Variants in FBXO7 observed in about 807,000 individuals in gnomAD.
FBXO7 encodes the protein F-box protein 7.
Under a neutral mutation model 50.2 loss-of-function variants are expected in FBXO7, and 31 were observed. That is an observed-to-expected ratio of 0.62 (90% confidence interval 0.46 to 0.83). The LOEUF (loss-of-function observed/expected upper bound fraction) is 0.83, where lower values mean the gene tolerates loss of function less well. FBXO7 is among the 40% of genes least tolerant of loss of function. The probability of loss-of-function intolerance (pLI) is 0.00; values close to 1 mark genes in which losing one functional copy is unlikely to be tolerated. For missense variants in FBXO7, 667 were observed against 646.6 expected, an observed-to-expected ratio of 1.03 and a Z score of -0.34; for synonymous variants, 256 against 253.1, an observed-to-expected ratio of 1.01 and a Z score of -0.11.
chr22:32,497,498 C>T (rs1415774996), intron 8 of FBXO7, among the ~76,000 whole-genome samples: 3 of 152,150 alleles, frequency 2.0e-5, no homozygotes, highest in Non-Finnish European at 4.4e-5. Context: ...AGTAGTATTC[C>T]ATGGTGTATA....
rs2057448473 is a variant in FBXO7 at position 32,479,241 on chromosome 22, C to G, written c.383C>G (p.Ala128Gly). 1 of 1,614,122 alleles carries G rather than the reference C, an allele frequency of 6.2e-7. No individual in the cohort carries two copies. Among genetic ancestry groups the G allele is most frequent in the Non-Finnish European group, 8.5e-7 (1 of 1,180,026 alleles). The change falls in exon 2 of 9, where the codon GCA (alanine) becomes GGA (glycine). Residue 128 changes from alanine to glycine, a missense_variant. Transcript: ENST00000266087. The stretch of plus-strand genomic sequence containing the variant: ...CCAAGTGATTCATTCCAAGGACAGG[C>G]AGCCCAGTCTGGTGTTTGGAATGAC... ...EQPSDSFQGQ[A>G]AQSGVWNDDS...
At position 32,493,108 on chromosome 22, in the gene FBXO7, T is replaced by G. The variant is rs767654983; in HGVS notation, c.971T>G (p.Leu324Arg). 14 of 1,614,018 alleles carry G rather than the reference T, an allele frequency of 8.7e-6. No homozygotes were observed. The highest frequency in any genetic ancestry group is 1.3e-5 in the African/African-American group (1 of 74,936). The change falls in exon 7 of 9, where the codon CTG becomes CGG. Residue 324 changes from leucine to arginine, a missense_variant. Transcript: ENST00000266087. ...ACTTCTCTTTTTTTCCTTTTAGCAC[T>G]GAACCTACCAGATGTATTTGGGTTG... Reference protein sequence around the residue: ...YPLLAFTRQALNLPDVFGLVV... With the variant: ...YPLLAFTRQARNLPDVFGLVV...
At chr22:32,487,958 T>C in intron 5 of FBXO7, 130 bp downstream of exon 5, 2 of 678,038 alleles carry the variant, frequency 2.9e-6, no homozygotes, top group Non-Finnish European at 5.3e-6. Context: ...GACAATGTGG[T>C]TTGTTTAAGA....
chr22:32,484,943 G>A, intron 3 of FBXO7, 125 bp from the exon 4 acceptor site: 1 of 1,024,098 alleles, frequency 9.8e-7, no homozygotes, highest in Admixed American at 1.8e-5. Context: ...ATGATTTGAT[G>A]CATTTTATTA....
intron 5 of FBXO7, chr22:32,490,265 G>A (rs2145999230): frequency 6.6e-6 from 1 of 152,360 alleles, no homozygotes; most frequent in African/African-American, 2.4e-5. Flanking sequence ...GCAAAAAGGT[G>A]AGGATCAGAG....
chr22:32,475,623 C>CCT (rs2057423080), intron 1 of FBXO7: 4 of 554,884 alleles, frequency 7.2e-6, no homozygotes, highest in Middle Eastern at 8.8e-4. Context: ...TCCGAGGCCA[C>CCT]CGGTAGCTTG....
chr22:32,491,078 T>C lies in FBXO7; in HGVS notation c.872-8T>C. On this transcript the variant is annotated splice_polypyrimidine_tract_variant and splice_region_variant and intron_variant, in intron 5 of 8. Coordinates refer to ENST00000266087, the MANE Select transcript of FBXO7 (RefSeq NM_012179.4). ...TGGGTTTTGATTTTACTTTAAAAAATATTCTAGGGGAAAATGTAGCCAACA... is the reference window on the plus strand; with the variant it reads ...TGGGTTTTGATTTTACTTTAAAAAACATTCTAGGGGAAAATGTAGCCAACA... The C allele has an allele frequency of 6.2e-7, 1 of 1,606,438 alleles. No homozygotes were observed. The highest frequency in any genetic ancestry group is 8.5e-7 in the Non-Finnish European group (1 of 1,173,428).
In FBXO7 at chr22:32,485,160, C is replaced by G. The variant is rs1252579964; in HGVS notation, c.738C>G (p.Ser246Arg). Reference sequence around the variant, plus strand: ...ACATGCATCCTCTCTGCGAGGGCAGCTCCGCTACTCTCACCTGTGTGCCTT... The same window carrying G: ...ACATGCATCCTCTCTGCGAGGGCAGGTCCGCTACTCTCACCTGTGTGCCTT... ...LQYMHPLCEGSSATLTCVPLG... is the reference protein window; with the variant it reads ...LQYMHPLCEGRSATLTCVPLG... Residue 246 changes from serine (S) to arginine (R), a missense_variant, in exon 4 of 9, where the codon AGC (serine) becomes AGG (arginine). Transcript: ENST00000266087. 6.2e-7 allele frequency: 1 copy of G among 1,614,190 alleles called. No individual in the cohort carries two copies.
chr22:32,485,370 T>C (rs1248380369), intron 4 of FBXO7, among the ~76,000 whole-genome samples, 161 bp downstream of exon 4: 1 of 152,242 alleles, frequency 6.6e-6, no homozygotes, highest in Non-Finnish European at 1.5e-5. Context: ...GTCTGGAAGA[T>C]CATGGAATAT....
At chr22:32,494,646 G>A (rs747205022) in intron 7 of FBXO7, among the ~76,000 whole-genome samples, 6 of 151,974 alleles carry the variant, frequency 3.9e-5, no homozygotes, top group African/African-American at 7.2e-5. Context: ...TGGAAGCACC[G>A]AGAAAAAGCA....
rs190901801 is a variant in FBXO7, at chr22:32,484,829, A to G, written c.646-239A>G. Among the ~76,000 whole-genome samples, 73 of 152,322 alleles carry G rather than the reference A, an allele frequency of 4.8e-4. 1 individual carries two copies. Among genetic ancestry groups the G allele is most frequent in the African/African-American group, 1.7e-3 (70 of 41,570 alleles). ...AGAGAGATCAATCCCTGTTTCCATG[A>G]TGCAGTTTTACCTATTTGAACAAAA... On this transcript the variant is annotated intron_variant, in intron 3 of 8. Transcript: ENST00000266087.
chr22:32,490,972 CTTTGTGAATTA>C (rs1277946615), intron 5 of FBXO7, 103 bp from the exon 6 acceptor site: 22 of 765,696 alleles, frequency 2.9e-5, no homozygotes, highest in Non-Finnish European at 2.3e-6. Context: ...TCATGCTTAT[CTTTGTGAATTA>C]TTTGTGAATA....
At chr22:32,490,455 A>C (rs1601513610) in intron 5 of FBXO7, 1 of 152,454 alleles carries the variant, frequency 6.6e-6, no homozygotes, top group Admixed American at 6.5e-5. Context: ...AAACAGTTCC[A>C]GGTATTGTCA....
intron 8 of FBXO7, among the ~76,000 whole-genome samples, chr22:32,496,232 G>A (rs971017725): frequency 2.0e-5 from 3 of 152,162 alleles, no homozygotes; most frequent in Non-Finnish European, 4.4e-5. Context: ...TGTAATCCCA[G>A]CACTTTGGGA....
At chr22:32,485,394 T>C (rs570516919) in intron 4 of FBXO7, among the ~76,000 whole-genome samples, 185 bp downstream of exon 4, 33 of 152,336 alleles carry the variant, frequency 2.2e-4, no homozygotes, top group Non-Finnish European at 3.4e-4. Flanking sequence ...GTTGTTGAGT[T>C]GTTTAGGCCA....
Position 32,495,495 on chromosome 22 carries a change from A to C in FBXO7, c.1147A>C (p.Asn383His). ...TATTTTTCCCTTTTCCTTTGTAGAC[A>C]ATACTGTCAGAGTTCAAGACACAGA... ...RFLYLRDFRD[N>H]TVRVQDTDWK... The change falls in exon 8 of 9, where the codon AAT (asparagine) becomes CAT (histidine). Residue 383 changes from asparagine (N) to histidine (H), a missense_variant and splice_region_variant. Transcript: ENST00000266087. 6.3e-7 allele frequency: 1 copy of C among 1,575,416 alleles called. No individual in the cohort carries two copies. Among genetic ancestry groups the C allele is most frequent in the South Asian group, 1.1e-5 (1 of 89,416 alleles).
chr22:32,486,321 C>T (rs558449376), intron 4 of FBXO7, among the ~76,000 whole-genome samples: 1 of 152,032 alleles, frequency 6.6e-6, no homozygotes, highest in Admixed American at 6.5e-5. Context: ...TTCTCATTCC[C>T]CTCTTACAAA....
Position 32,491,196 on chromosome 22 carries a change from A to C in FBXO7, c.967+15A>C, listed in dbSNP as rs771429175. 6.6e-7 allele frequency: 1 copy of C among 1,513,634 alleles called. No individual in the cohort carries two copies. The highest frequency in any genetic ancestry group is 1.1e-5 in the South Asian group (1 of 88,802). 93.8% of individuals were successfully genotyped at this position (1,513,634 alleles called of 1,614,324 possible). A position where few individuals can be genotyped will look rare whatever the true frequency, so the allele number is the denominator to read the frequency against. Reference sequence around the variant, plus strand: ...TACCCGACAAGGTAAGAGATGAAATACTGTCACAATTTAAATGACTGTAAA... The same window carrying C: ...TACCCGACAAGGTAAGAGATGAAATCCTGTCACAATTTAAATGACTGTAAA... On this transcript the variant is annotated intron_variant, in intron 6 of 8. Transcript: ENST00000266087.
chr22:32,491,609 G>A (rs59894142), intron 6 of FBXO7: 16 of 21,374 alleles, frequency 7.5e-4, no homozygotes, highest in East Asian at 4.2e-3. Context: ...AGATATATAT[G>A]TCTATATAGA....
Sources: allele counts gnomAD v4.1 joint callset (sites outside exome capture counted in the v4.1 genomes callset), GRCh38; gene constraint gnomAD v4.1.1; transcripts MANE v1.5; gene names NCBI Gene and HGNC (gene_info 2026-07-23, HGNC 2026-07-21).